Variants in APOBEC3H observed in about 807,000 individuals in gnomAD.
The protein encoded by APOBEC3H is apolipoprotein B mRNA editing enzyme catalytic subunit 3H, also known as DNA dC->dU-editing enzyme APOBEC-3H.
A neutral mutation model predicts 21.2 loss-of-function variants in APOBEC3H; 8 were observed. The observed-to-expected ratio is 0.38, with a 90% CI of 0.22 to 0.68. The LOEUF (loss-of-function observed/expected upper bound fraction) is 0.68, where lower values mean the gene tolerates loss of function less well. APOBEC3H is among the 30% of genes least tolerant of loss of function. The probability of loss-of-function intolerance (pLI) is 0.52; values close to 1 mark genes in which losing one functional copy is unlikely to be tolerated. For missense variants in APOBEC3H, 229 were observed against 228.1 expected, an observed-to-expected ratio of 1.00 and a Z score of -0.03; for synonymous variants, 88 against 91.0, an observed-to-expected ratio of 0.97 and a Z score of 0.19.
Position 39,101,339 on chromosome 22 carries a change from T to G in APOBEC3H, c.253T>G (p.Cys85Gly). ...CACCTGTTACCTCACGTGGAGCCCC[T>G]GCTCCTCCTGTGCCTGGGAGCTGGT... ...QVTCYLTWSP[C>G]SSCAWELVDF... The change falls in exon 3 of 5, where the codon TGC (cysteine) becomes GGC (glycine). Residue 85 changes from cysteine to glycine, a missense_variant. Physicochemically the swap from Cys to Gly is radical, Grantham distance 159. Transcript: ENST00000442487. The G allele has an allele frequency of 6.2e-7, 1 of 1,613,244 alleles. No individual in the cohort carries two copies.
At chr22:39,097,505 G>A (rs1929071157) in intron 1 of APOBEC3H, among the ~76,000 whole-genome samples, 162 bp downstream of exon 1, 1 of 152,064 alleles carries the variant, frequency 6.6e-6, no homozygotes, top group Admixed American at 6.6e-5. Context: ...TCTTTGCCCT[G>A]CTGTGTGGTC....
chr22:39,101,173 C>G, intron 2 of APOBEC3H, 64 bp from the exon 3 acceptor site: 2 of 1,281,986 alleles, frequency 1.6e-6, no homozygotes, highest in South Asian at 2.8e-5. Context: ...CCCCCGCCCC[C>G]AGTCACATGA....
At position 39,101,913 on chromosome 22, in the gene APOBEC3H, C is replaced by G; in HGVS notation, c.419-5C>G. The stretch of plus-strand genomic sequence containing the variant: ...GGCCTGGCTGGTTTCCCTCTTCCCT[C>G]TCAGAGTTTGCTGACTGCTGGGAAA... On this transcript the variant is annotated splice_polypyrimidine_tract_variant and splice_region_variant and intron_variant, in intron 3 of 4. Coordinates refer to ENST00000442487, the MANE Select transcript of APOBEC3H (RefSeq NM_181773.5). The G allele has an allele frequency of 6.2e-7, 1 of 1,613,944 alleles. No homozygotes were observed. The highest frequency in any genetic ancestry group is 8.5e-7 in the Non-Finnish European group (1 of 1,179,940).
chr22:39,101,159 C>A, intron 2 of APOBEC3H, 78 bp from the exon 3 acceptor site: 1 of 547,724 alleles, frequency 1.8e-6, no homozygotes, highest in East Asian at 5.8e-5. Context: ...CGCCCCCGTC[C>A]CGGCCCCCGC....
chr22:39,101,562 AGGGGCTG>A, intron 3 of APOBEC3H, 58 bp downstream of exon 3: 2 of 467,898 alleles, frequency 4.3e-6, no homozygotes, highest in Non-Finnish European at 7.1e-6. Flanking sequence ...CAGGCTTGGC[AGGGGCTG>A]GGGGTTGGGG....
rs535900111 is a variant in APOBEC3H, at chr22:39,098,614, G to T, written c.-8+1271G>T. Among the ~76,000 whole-genome samples, 3 of 152,308 alleles carry T rather than the reference G, an allele frequency of 2.0e-5. No individual in the cohort carries two copies. In the South Asian group the frequency reaches 6.2e-4, roughly 32 times the overall value. On this transcript the variant is annotated intron_variant, in intron 1 of 4. Coordinates refer to ENST00000442487, the MANE Select transcript of APOBEC3H (RefSeq NM_181773.5). ...ATTTTTAATGGGTTAGAGGATGGGT[G>T]GCAGAAATACTGGGAGGATGGGAGA...
Position 39,101,340 on chromosome 22 carries a change from G to C in APOBEC3H, c.254G>C (p.Cys85Ser). The change falls in exon 3 of 5, where the codon TGC becomes TCC. Residue 85 changes from cysteine (C) to serine (S), a missense_variant. Physicochemically the swap from Cys to Ser is moderately radical, Grantham distance 112. Transcript: ENST00000442487. ...ACCTGTTACCTCACGTGGAGCCCCTGCTCCTCCTGTGCCTGGGAGCTGGTT... is the reference window on the plus strand; with the variant it reads ...ACCTGTTACCTCACGTGGAGCCCCTCCTCCTCCTGTGCCTGGGAGCTGGTT... ...QVTCYLTWSP[C>S]SSCAWELVDF... 6.2e-7 allele frequency: 1 copy of C among 1,613,252 alleles called. No individual in the cohort carries two copies. The highest frequency in any genetic ancestry group is 1.1e-5 in the South Asian group (1 of 91,018).
intron 3 of APOBEC3H, 59 bp downstream of exon 3, chr22:39,101,563 G>A (rs948192526): frequency 6.2e-5 from 89 of 1,428,250 alleles, no homozygotes; most frequent in Non-Finnish European, 8.1e-5. Context: ...AGGCTTGGCA[G>A]GGGCTGGGGG....
rs984879272 is a variant in APOBEC3H, at chr22:39,101,924, C to G, written c.425C>G (p.Ala142Gly). The G allele has an allele frequency of 6.2e-7, 1 of 1,613,780 alleles. No homozygotes were observed. The highest frequency in any genetic ancestry group is 1.3e-5 in the African/African-American group (1 of 74,868). ...TTTCCCTCTTCCCTCTCAGAGTTTGCTGACTGCTGGGAAAACTTTGTGGAC... is the reference window on the plus strand; with the variant it reads ...TTTCCCTCTTCCCTCTCAGAGTTTGGTGACTGCTGGGAAAACTTTGTGGAC... ...PVEVMGFPEF[A>G]DCWENFVDHE... The change falls in exon 4 of 5, where the codon GCT becomes GGT. Residue 142 changes from alanine (A) to glycine (G), a missense_variant. Transcript: ENST00000442487.
intron 1 of APOBEC3H, among the ~76,000 whole-genome samples, chr22:39,097,956 A>T (rs1219743874): frequency 1.3e-5 from 2 of 152,200 alleles, no homozygotes; most frequent in East Asian, 3.8e-4. Flanking sequence ...GAAAAACTCA[A>T]TGATCAGGAG....
intron 4 of APOBEC3H, among the ~76,000 whole-genome samples, chr22:39,102,973 A>C (rs1248168135): frequency 5.2e-5 from 2 of 38,730 alleles, no homozygotes; most frequent in Non-Finnish European, 4.7e-5. Flanking sequence ...AAAAAAAAAA[A>C]AAAAAAAAAA....
At chr22:39,102,142 TTTC>T (rs1228550479) in intron 4 of APOBEC3H, 100 bp downstream of exon 4, 1 of 1,371,474 alleles carries the variant, frequency 7.3e-7, no homozygotes. Context: ...CCTACCTTTT[TTTC>T]TTTTCTTTTC....
chr22:39,100,904 C>G (rs1569093584), intron 2 of APOBEC3H, among the ~76,000 whole-genome samples: 1 of 151,874 alleles, frequency 6.6e-6, no homozygotes, highest in Non-Finnish European at 1.5e-5. Context: ...AGGCGGGTGT[C>G]CAAAGGCAGG....
intron 1 of APOBEC3H, among the ~76,000 whole-genome samples, 172 bp downstream of exon 1, chr22:39,097,515 C>G (rs1420846105): frequency 3.9e-5 from 6 of 152,012 alleles, no homozygotes; most frequent in Non-Finnish European, 8.8e-5. Context: ...GCTGTGTGGT[C>G]ACCCCACTGC....
intron 2 of APOBEC3H, 45 bp downstream of exon 2, chr22:39,100,473 C>T: frequency 1.3e-6 from 2 of 1,589,470 alleles, no homozygotes; most frequent in Non-Finnish European, 1.7e-6. Flanking sequence ...GGGGCTAACC[C>T]CATCTGATGT....
In APOBEC3H at chr22:39,101,089, C is replaced by A. The variant is rs901694442; in HGVS notation, c.151-148C>A. ...AGGCAGGAAGCGGGTGCTTGCCCTG[C>A]ACTAGGCCAGGCCACGCACTAGAAA... On this transcript the variant is annotated intron_variant, in intron 2 of 4. Coordinates refer to ENST00000442487, the MANE Select transcript of APOBEC3H (RefSeq NM_181773.5). 5.6e-5 allele frequency: 41 copies of A among 737,796 alleles called. No homozygotes were observed. The South Asian group carries it at 7.4e-4, about 13-fold the overall frequency. The allele number at this position is 737,796 out of a possible 1,614,324, so 45.7% of individuals were successfully genotyped here.
In APOBEC3H at chr22:39,100,307, G is replaced by A. The variant is rs372088508; in HGVS notation, c.29G>A (p.Arg10His). 40 of 1,604,180 alleles carry A rather than the reference G, an allele frequency of 2.5e-5. 1 individual carries two copies. In the African/African-American group the frequency reaches 3.2e-4, roughly 13 times the overall value. The change falls in exon 2 of 5, where the codon CGC (arginine) becomes CAC (histidine). Residue 10 changes from arginine to histidine, a missense_variant. Coordinates refer to ENST00000442487, the MANE Select transcript of APOBEC3H (RefSeq NM_181773.5). Reference sequence around the variant, plus strand: ...GCTCTGTTAACAGCCGAAACATTCCGCTTACAGTTTAACAACAAGCGCCGC... The same window carrying A: ...GCTCTGTTAACAGCCGAAACATTCCACTTACAGTTTAACAACAAGCGCCGC... MALLTAETF[R>H]LQFNNKRRLR...
In APOBEC3H at chr22:39,103,861, G is replaced by T; in HGVS notation, c.*164G>T. 1 of 859,256 alleles carries T rather than the reference G, an allele frequency of 1.2e-6. No homozygotes were observed. Among genetic ancestry groups the T allele is most frequent in the East Asian group, 2.4e-5 (1 of 41,306 alleles). 53.2% of individuals were successfully genotyped at this position (859,256 alleles called of 1,614,324 possible). ...CTAAGCTCCACAGTGCCAGTTCCTT[G>T]CCCCAACCTGGCCCCATCCAAGTAC... On this transcript the variant is annotated 3_prime_UTR_variant, in exon 5 of 5. Transcript: ENST00000442487.
chr22:39,102,174 G>T (rs569826767), intron 4 of APOBEC3H, 132 bp downstream of exon 4: 4 of 1,310,274 alleles, frequency 3.1e-6, no homozygotes, highest in Non-Finnish European at 3.1e-6. Flanking sequence ...TTTGAGACAG[G>T]GTCTCACTCT....
Sources: gnomAD v4.1 joint callset for allele counts (sites outside exome capture counted in the v4.1 genomes callset) on GRCh38, gnomAD v4.1.1 for gene constraint, MANE v1.5 for transcripts, NCBI Gene and HGNC (gene_info 2026-07-23, HGNC 2026-07-21) for gene names.